The following BMPR2 variants were observed in gnomAD, a reference collection of about 807,000 sequenced individuals.
BMPR2 encodes bone morphogenetic protein receptor type-2.
BMPR2 carries 29 observed loss-of-function variants against 100.8 expected under a neutral mutation model. The observed-to-expected ratio is 0.29, with a 90% CI of 0.21 to 0.39. The LOEUF (loss-of-function observed/expected upper bound fraction) is 0.39, where lower values mean the gene tolerates loss of function less well. Among genes scored for constraint, BMPR2 ranks in the 10% least tolerant of loss-of-function variants. BMPR2 has a pLI of 1.00. For synonymous variants in BMPR2, 382 were observed against 442.3 expected, an observed-to-expected ratio of 0.86 and a Z score of 1.71; for missense variants, 1,011 against 1,274.5, an observed-to-expected ratio of 0.79 and a Z score of 3.15.
chr2:202,403,248 G>A (rs1204590294), intron 1 of BMPR2, among the ~76,000 whole-genome samples: 1 of 133,432 alleles, frequency 7.5e-6, no homozygotes, highest in African/African-American at 2.9e-5. Flanking sequence ...TGCCCAGGCT[G>A]AAGTGCAGTG....
chr2:202,475,003 T>G (rs1271254707), intron 3 of BMPR2: 3 of 152,152 alleles, frequency 2.0e-5, no homozygotes, highest in Non-Finnish European at 4.4e-5. Context: ...ATACAACCAT[T>G]GTTAATATTT....
intron 1 of BMPR2, among the ~76,000 whole-genome samples, chr2:202,391,857 G>C (rs531232490): frequency 1.3e-5 from 2 of 151,968 alleles, no homozygotes; most frequent in Admixed American, 1.3e-4. Flanking sequence ...CGCCTCCCGG[G>C]TTCAAGCGAT....
intron 7 of BMPR2, among the ~76,000 whole-genome samples, chr2:202,522,386 A>G (rs1687833583): frequency 6.6e-6 from 1 of 151,804 alleles, no homozygotes; most frequent in Admixed American, 6.6e-5. Flanking sequence ...ACGCTTCTGT[A>G]TTCCCAGCTA....
intron 1 of BMPR2, among the ~76,000 whole-genome samples, chr2:202,463,350 A>C (rs578049872): frequency 2.0e-5 from 3 of 152,336 alleles, no homozygotes; most frequent in Admixed American, 2.0e-4. Flanking sequence ...CATGTCTAGA[A>C]TATTTAAACT....
intron 3 of BMPR2, among the ~76,000 whole-genome samples, chr2:202,488,455 TAAACAAAA>T (rs772559157): frequency 1.0e-3 from 154 of 152,256 alleles, no homozygotes; most frequent in Middle Eastern, 3.4e-3. Context: ...TTAACCTTTT[TAAACAAAA>T]AAACAAAAAA....
intron 1 of BMPR2, among the ~76,000 whole-genome samples, chr2:202,438,100 G>A (rs1193867104): frequency 2.0e-5 from 3 of 150,048 alleles, no homozygotes; most frequent in African/African-American, 7.6e-5. Context: ...GATCACCTGA[G>A]GTTGGGAGTT....
Position 202,556,175 on chromosome 2 carries a change from A to G in BMPR2, c.2510A>G (p.Asn837Ser). 1 of 1,611,696 alleles carries G rather than the reference A, an allele frequency of 6.2e-7. No individual in the cohort carries two copies. The highest frequency in any genetic ancestry group is 8.5e-7 in the Non-Finnish European group (1 of 1,177,966). ...NGTVLSGQTT[N>S]IVTHRAQEML... ...ACAGTACTATCTGGCCAAACAACCAACATAGTGACACATAGGGCCCAAGAA... is the reference window on the plus strand; with the variant it reads ...ACAGTACTATCTGGCCAAACAACCAGCATAGTGACACATAGGGCCCAAGAA... The change falls in exon 12 of 13, where the codon AAC becomes AGC. Residue 837 changes from asparagine to serine, a missense_variant. By Grantham distance (46) the Asn-to-Ser change is conservative. Transcript: ENST00000374580.
intron 7 of BMPR2, among the ~76,000 whole-genome samples, chr2:202,529,888 G>A (rs1473498822): frequency 6.6e-6 from 1 of 151,986 alleles, no homozygotes; most frequent in Non-Finnish European, 1.5e-5. Flanking sequence ...CTATACCTAA[G>A]CAGATATTTT....
intron 1 of BMPR2, among the ~76,000 whole-genome samples, chr2:202,392,592 G>C (rs1414019325): frequency 6.6e-6 from 1 of 152,178 alleles, no homozygotes; most frequent in Admixed American, 6.6e-5. Flanking sequence ...TAAAATGCCT[G>C]ATCATTGGAA....
In BMPR2 at chr2:202,518,817, T is replaced by G; in HGVS notation, c.622-5T>G. ...AATACCTTGCTTTCTTTAAAACACTTGCAGCTGATTGGCCGAGGTCGATAT... is the reference window on the plus strand; with the variant it reads ...AATACCTTGCTTTCTTTAAAACACTGGCAGCTGATTGGCCGAGGTCGATAT... On this transcript the variant is annotated splice_polypyrimidine_tract_variant and splice_region_variant and intron_variant, in intron 5 of 12. Transcript: ENST00000374580. 1 of 1,612,828 alleles carries G rather than the reference T, an allele frequency of 6.2e-7. No homozygotes were observed. Among genetic ancestry groups the G allele is most frequent in the Non-Finnish European group, 8.5e-7 (1 of 1,178,772 alleles).
chr2:202,377,794 A>G (rs1471091473), intron 1 of BMPR2, among the ~76,000 whole-genome samples: 5 of 152,214 alleles, frequency 3.3e-5, no homozygotes, highest in Admixed American at 3.3e-4. Flanking sequence ...ACGGGGTGAA[A>G]AAGACATATT....
intron 1 of BMPR2, among the ~76,000 whole-genome samples, chr2:202,379,253 T>C (rs1036316909): frequency 1.3e-5 from 2 of 152,232 alleles, no homozygotes; most frequent in African/African-American, 4.8e-5. Context: ...CAAATAACTT[T>C]ACATATATTT....
intron 7 of BMPR2, among the ~76,000 whole-genome samples, chr2:202,529,729 T>G (rs1411219740): frequency 2.0e-5 from 3 of 152,132 alleles, no homozygotes; most frequent in Non-Finnish European, 4.4e-5. Flanking sequence ...AATCAATGAT[T>G]ATTATAATTA....
chr2:202,537,383 GATAA>G (rs1218645506), intron 9 of BMPR2, among the ~76,000 whole-genome samples: 1 of 152,140 alleles, frequency 6.6e-6, no homozygotes, highest in Non-Finnish European at 1.5e-5. Flanking sequence ...CTTTTGATCT[GATAA>G]ATAATAAAGA....
chr2:202,397,414 A>C (rs896965228), intron 1 of BMPR2, among the ~76,000 whole-genome samples: 4 of 152,174 alleles, frequency 2.6e-5, no homozygotes, highest in African/African-American at 9.6e-5. Flanking sequence ...AGTAGATTAC[A>C]GTAATAAGAA....
At chr2:202,432,507 C>A (rs190478622) in intron 1 of BMPR2, among the ~76,000 whole-genome samples, 239 of 150,216 alleles carry the variant, frequency 1.6e-3, no homozygotes, top group Non-Finnish European at 4.6e-4. Flanking sequence ...ACACGTCTTA[C>A]CATATGTGGG....
rs536370556 is a variant in BMPR2, at chr2:202,458,152, TA to T, written c.77-6651del. Among the ~76,000 whole-genome samples the T allele has an allele frequency of 2.2e-3, 339 of 151,692 alleles. 1 individual carries two copies. The highest frequency in any genetic ancestry group is 7.7e-3 in the African/African-American group (318 of 41,396). On this transcript the variant is annotated intron_variant, in intron 1 of 12. Transcript: ENST00000374580. ...ATTTATTTGCCATATATATAATATTTAAAAAATTTTTGAGCCAGGTACTGTG... is the reference window on the plus strand; with the variant it reads ...ATTTATTTGCCATATATATAATATTTAAAAATTTTTGAGCCAGGTACTGTG...
At chr2:202,469,642 C>T in intron 3 of BMPR2, 1 of 172,716 alleles carries the variant, frequency 5.8e-6, no homozygotes, top group Non-Finnish European at 1.3e-5. Context: ...CCACACCCAG[C>T]TAATTGTTGT....
rs184498651 is a variant in BMPR2 at position 202,443,796 on chromosome 2, T to C, written c.77-21013T>C. On this transcript the variant is annotated intron_variant, in intron 1 of 12. Transcript: ENST00000374580. The stretch of plus-strand genomic sequence containing the variant: ...TCTTTGCCCACTAAATTGGAAGATA[T>C]ATTACCTTGTAATTGCCTTCAGAGC... 1.6e-4 allele frequency among the ~76,000 whole-genome samples: 24 copies of C among 150,734 alleles called. 3 individuals are homozygous for C. Among genetic ancestry groups the C allele is most frequent in the Admixed American group, 1.3e-3 (20 of 15,234 alleles).
Sources: gnomAD v4.1 joint callset for allele counts (sites outside exome capture counted in the v4.1 genomes callset) on GRCh38, gnomAD v4.1.1 for gene constraint, MANE v1.5 for transcripts, NCBI Gene and HGNC (gene_info 2026-07-23, HGNC 2026-07-21) for gene names.